Variants in USP6 observed in about 807,000 individuals in gnomAD.
USP6 encodes the protein ubiquitin carboxyl-terminal hydrolase 6.
USP6 carries 128 observed loss-of-function variants against 175.7 expected under a neutral mutation model. The ratio of observed to expected loss-of-function variants is 0.73; its 90% confidence interval spans 0.63 to 0.84. USP6 has a LOEUF of 0.84. USP6 is among the 40% of genes least tolerant of loss of function. The pLI, the probability that USP6 is intolerant of heterozygous loss-of-function variation, is 0.00. For missense variants in USP6, 1,498 were observed against 1,760.3 expected (o/e 0.85, Z 2.67); for synonymous variants, 562 against 630.6 (o/e 0.89, Z 1.63).
At chr17:5,158,678 A>AGAT in intron 31 of USP6, among the ~76,000 whole-genome samples, 1 of 144,404 alleles carries the variant, frequency 6.9e-6, no homozygotes, top group African/African-American at 2.6e-5. Context: ...AGAGATTGAG[A>AGAT]AGAAGCAGCC....
Position 5,132,375 on chromosome 17 carries a change from T to C in USP6, c.156-21T>C, listed in dbSNP as rs2073098391. On this transcript the variant is annotated intron_variant, in intron 11 of 37. Transcript: ENST00000574788. This position sits in a 1 kb window ranked among gnomAD's most constrained non-coding sequence, Gnocchi z 4.7. ...TCCAGGCCCTGTGCACGTCCTCAGCTCTGCCTGGGTTGCCTTACAGTGAGA... is the reference window on the plus strand; with the variant it reads ...TCCAGGCCCTGTGCACGTCCTCAGCCCTGCCTGGGTTGCCTTACAGTGAGA... The C allele has an allele frequency of 6.8e-6, 11 of 1,612,048 alleles. 1 individual carries two copies. The highest frequency in any genetic ancestry group is 8.5e-6 in the Non-Finnish European group (10 of 1,179,856).
rs1289141881 is a variant in USP6 at position 5,174,380 on chromosome 17, A to G, written c.*1402A>G. On this transcript the variant is annotated 3_prime_UTR_variant, in exon 38 of 38. Transcript: ENST00000574788. ...CCTTTCTTCCTCATAGGTAGTAATT[A>G]CCAATGTAACTAAGCATTTGTGTTC... 2.1e-5 allele frequency: 4 copies of G among 190,714 alleles called. No individual in the cohort carries two copies. The highest frequency in any genetic ancestry group is 4.4e-5 in the Non-Finnish European group (4 of 90,880). 11.8% of individuals were successfully genotyped at this position (190,714 alleles called of 1,614,324 possible).
In USP6 at chr17:5,138,159, C is replaced by A. The variant is rs201972485; in HGVS notation, c.964C>A (p.Arg322Ser). The A allele has an allele frequency of 6.2e-7, 1 of 1,614,064 alleles. No individual in the cohort carries two copies. The highest frequency in any genetic ancestry group is 8.5e-7 in the Non-Finnish European group (1 of 1,179,976). The change falls in exon 21 of 38, where the codon CGT (arginine) becomes AGT (serine). Residue 322 changes from arginine to serine, a missense_variant. Physicochemically the swap from Arg to Ser is moderately radical, Grantham distance 110. Transcript: ENST00000574788. Reference protein sequence around the residue: ...MKTSRCGLWARLRNQFFDTWA... With the variant: ...MKTSRCGLWASLRNQFFDTWA... ...GACATCCAGGTGTGGCCTGTGGGCA[C>A]GTCTGCGGAACCAATTCTTCGATAC...
At chr17:5,121,234 G>A (rs2072654808) in intron 3 of USP6, 141 bp from the exon 4 acceptor site, 1 of 384,106 alleles carries the variant, frequency 2.6e-6, no homozygotes, top group East Asian at 7.2e-5. Context: ...GGTCCAACGT[G>A]GGTGCAGAGG....
At position 5,116,681 on chromosome 17, in the gene USP6, C is replaced by G. The variant is rs576549097; in HGVS notation, c.-1987C>G. The G allele has an allele frequency of 6.6e-6, 1 of 152,272 alleles. No homozygotes were observed. The highest frequency in any genetic ancestry group is 1.5e-5 in the Non-Finnish European group (1 of 68,062). The allele number at this position is 152,272 out of a possible 1,614,324, so 9.4% of individuals were successfully genotyped here. A position where few individuals can be genotyped will look rare whatever the true frequency, so the allele number is the denominator to read the frequency against. On this transcript the variant is annotated 5_prime_UTR_variant, in exon 1 of 38. Coordinates refer to ENST00000574788, the MANE Select transcript of USP6 (RefSeq NM_001304284.2). ...AACTGGGAGACCCAAGACTGTACCG[C>G]CAAGACCGCTTTCGAGTCGGGCCGA...
At chr17:5,163,585 A>G (rs1351757957) in intron 33 of USP6, among the ~76,000 whole-genome samples, 1 of 152,264 alleles carries the variant, frequency 6.6e-6, no homozygotes, top group Non-Finnish European at 1.5e-5. Flanking sequence ...TCAAATTTCA[A>G]CATGCATTTT....
chr17:5,168,306 T>A (rs933901170), intron 34 of USP6, among the ~76,000 whole-genome samples, 183 bp downstream of exon 34: 1 of 151,860 alleles, frequency 6.6e-6, no homozygotes, highest in Admixed American at 6.6e-5. Flanking sequence ...TATTTGGTAG[T>A]TCCTTTTCCT....
chr17:5,146,213 T>G (rs766222561), intron 28 of USP6, 39 bp downstream of exon 28: 2 of 1,528,048 alleles, frequency 1.3e-6, no homozygotes, highest in Admixed American at 3.8e-5. Context: ...GATTCTATCC[T>G]TCAAAGATGA....
At chr17:5,133,249 G>A (rs968534817) in intron 13 of USP6, among the ~76,000 whole-genome samples, 194 bp from the exon 14 acceptor site, 1 of 152,094 alleles carries the variant, frequency 6.6e-6, no homozygotes, top group Non-Finnish European at 1.5e-5. Flanking sequence ...GGAAGGAAAA[G>A]GTTCGGATCA....
intron 17 of USP6, 93 bp downstream of exon 17, chr17:5,136,021 C>T: frequency 1.6e-5 from 26 of 1,581,192 alleles, no homozygotes; most frequent in Non-Finnish European, 2.1e-5. Flanking sequence ...AGGCACACTC[C>T]TTGTGTTGCC....
chr17:5,116,785 T>C (rs573739361), intron 1 of USP6, 45 bp downstream of exon 1: 3 of 152,396 alleles, frequency 2.0e-5, no homozygotes, highest in African/African-American at 7.2e-5. Flanking sequence ...TAGTTTCTTA[T>C]GTATAAAACA....
Position 5,119,269 on chromosome 17 carries a change from C to G in USP6, c.-1837+979C>G, listed in dbSNP as rs530516237. Among the ~76,000 whole-genome samples, 8 of 152,310 alleles carry G rather than the reference C, an allele frequency of 5.3e-5. No individual in the cohort carries two copies. The South Asian group carries it at 1.5e-3, about 28-fold the overall frequency. On this transcript the variant is annotated intron_variant, in intron 2 of 37. Transcript: ENST00000574788. ...ACTTTGATCATTTAGGCTCTTTTCT[C>G]AAAGTTCCAAAGTAGACTGCTCCCT...
chr17:5,172,924 C>A lies in USP6; in HGVS notation c.4167C>A (p.Ser1389Arg). The A allele has an allele frequency of 6.2e-7, 1 of 1,613,950 alleles. No homozygotes were observed. Among genetic ancestry groups the A allele is most frequent in the Non-Finnish European group, 8.5e-7 (1 of 1,179,870 alleles). Residue 1389 changes from serine to arginine, a missense_variant, in exon 38 of 38, where the codon AGC becomes AGA. By Grantham distance (110) the Ser-to-Arg change is moderately radical. Coordinates refer to ENST00000574788, the MANE Select transcript of USP6 (RefSeq NM_001304284.2). Reference sequence around the variant, plus strand: ...ATGGCAAAAAGATGGCAGACACAAGCAGTACGGATGAAGACTCTGAGTCTG... The same window carrying A: ...ATGGCAAAAAGATGGCAGACACAAGAAGTACGGATGAAGACTCTGAGTCTG... Reference protein sequence around the residue: ...KIDGKKMADTSSTDEDSESDY... With the variant: ...KIDGKKMADTRSTDEDSESDY...
chr17:5,129,826 A>T (rs149297036), intron 8 of USP6, 110 bp from the exon 9 acceptor site: 74 of 165,206 alleles, frequency 4.5e-4, no homozygotes, highest in African/African-American at 1.6e-3. Flanking sequence ...ACTCCTGCTC[A>T]AATGGTGTTA....
chr17:5,166,325 G>A (rs569726798), intron 33 of USP6, among the ~76,000 whole-genome samples: 4 of 152,264 alleles, frequency 2.6e-5, no homozygotes, highest in Admixed American at 2.0e-4. Flanking sequence ...TGCTAGAACC[G>A]TAACTGCATG....
intron 3 of USP6, among the ~76,000 whole-genome samples, chr17:5,121,157 T>C (rs987082106): frequency 1.3e-5 from 2 of 152,116 alleles, no homozygotes; most frequent in Admixed American, 6.5e-5. Flanking sequence ...GTGCCTGTCT[T>C]TGAGGTGCCG....
At position 5,173,408 on chromosome 17, in the gene USP6, A is replaced by C. The variant is rs1007421682; in HGVS notation, c.*430A>C. 1 of 226,674 alleles carries C rather than the reference A, an allele frequency of 4.4e-6. No homozygotes were observed. The highest frequency in any genetic ancestry group is 8.8e-6 in the Non-Finnish European group (1 of 114,006). The allele number at this position is 226,674 out of a possible 1,614,324, so 14.0% of individuals were successfully genotyped here. On this transcript the variant is annotated 3_prime_UTR_variant, in exon 38 of 38. Transcript: ENST00000574788. ...TGATACGCTACCTCCTTTTTCCTGA[A>C]GTTTTATTCCATTATATTGACAAGA...
intron 31 of USP6, among the ~76,000 whole-genome samples, chr17:5,157,014 G>A (rs978787587): frequency 6.6e-6 from 1 of 152,030 alleles, no homozygotes; most frequent in Non-Finnish European, 1.5e-5. Context: ...ACAGGTGTGA[G>A]CCACCACACC....
intron 30 of USP6, among the ~76,000 whole-genome samples, chr17:5,151,674 A>G (rs2073777203): frequency 6.6e-6 from 1 of 152,226 alleles, no homozygotes; most frequent in Non-Finnish European, 1.5e-5. Context: ...GATAGAATAG[A>G]GAGCCCAGAA....
Sources: gnomAD v4.1 joint callset for allele counts (sites outside exome capture counted in the v4.1 genomes callset) on GRCh38, gnomAD v4.1.1 for gene constraint, Gnocchi (gnomAD v3.1) non-coding constraint, MANE v1.5 for transcripts, NCBI Gene and HGNC (gene_info 2026-07-23, HGNC 2026-07-21) for gene names.